POLE: variants seen among roughly 807,000 people sequenced by gnomAD.
The protein encoded by POLE is DNA polymerase epsilon catalytic subunit A.
Under a neutral mutation model 279.2 loss-of-function variants are expected in POLE, and 188 were observed. That is an observed-to-expected ratio of 0.67 (90% confidence interval 0.60 to 0.76). The LOEUF (loss-of-function observed/expected upper bound fraction) is 0.76, where lower values mean the gene tolerates loss of function less well. Among genes scored for constraint, POLE ranks in the 30% least tolerant of loss-of-function variants. The pLI, the probability that POLE is intolerant of heterozygous loss-of-function variation, is 0.00. For synonymous variants in POLE, 1,214 were observed against 1,172.5 expected (o/e 1.04, Z -0.72); for missense variants, 2,703 against 3,016.7 (o/e 0.90, Z 2.44).
At chr12:132,644,058 G>C in intron 32 of POLE, 81 bp from the exon 33 acceptor site, 1 of 1,428,438 alleles carries the variant, frequency 7.0e-7, no homozygotes, top group Non-Finnish European at 9.3e-7. Flanking sequence ...CACGCTATTC[G>C]GAGTCCTAGA....
In POLE at chr12:132,672,268, C is replaced by A. The variant is rs755090755; in HGVS notation, c.1741G>T (p.Ala581Ser). ...LQRVEKTLRH[A>S]LEEEEKVPVE... Reference sequence around the variant, plus strand: ...GGCACTTTCTCCTCTTCCTCAAGGGCGTGGCGCAAGGTCTTCTCAACCCGC... The same window carrying A: ...GGCACTTTCTCCTCTTCCTCAAGGGAGTGGCGCAAGGTCTTCTCAACCCGC... Residue 581 changes from alanine to serine, a missense_variant, in exon 16 of 49, where the codon GCC (alanine) becomes TCC (serine). Ala to Ser is a moderately conservative substitution (Grantham distance 99). This residue lies in a region of POLE where 1,011 missense variants were observed against 1,111.7 expected (regional missense o/e 0.91). Coordinates refer to ENST00000320574, the MANE Select transcript of POLE (RefSeq NM_006231.4). The A allele has an allele frequency of 8.7e-6, 14 of 1,614,076 alleles. No individual in the cohort carries two copies. Among genetic ancestry groups the A allele is most frequent in the Non-Finnish European group, 1.2e-5 (14 of 1,180,030 alleles).
In POLE at chr12:132,687,181, G is replaced by A. The variant is rs1181599407; in HGVS notation, c.62+73C>T. 4.7e-5 allele frequency: 46 copies of A among 976,514 alleles called. No individual in the cohort carries two copies. The Admixed American group carries it at 1.1e-3, about 23-fold the overall frequency. 60.5% of individuals were successfully genotyped at this position (976,514 alleles called of 1,614,324 possible). A position where few individuals can be genotyped will look rare whatever the true frequency, so the allele number is the denominator to read the frequency against. ...AACCGGGCCTCCCTCCCGCCTCGGC[G>A]GCGCCAGCCGAGGACGGCCCCATGG... On this transcript the variant is annotated intron_variant, in intron 1 of 48. Transcript: ENST00000320574.
Position 132,634,226 on chromosome 12 carries a change from CT to C in POLE, c.5963del (p.Gln1988ArgfsTer11). On this transcript the variant is annotated frameshift_variant, in exon 43 of 49. Coordinates refer to ENST00000320574, the MANE Select transcript of POLE (RefSeq NM_006231.4). LOFTEE classifies it high-confidence loss of function. This position sits in a 1 kb window ranked among gnomAD's most constrained non-coding sequence, Gnocchi z 4.0. ...NNWNILQFLP[Q>X]AASCQNYFLM... is the part of the protein sequence containing the mutation. ...GGAAGTAGTTCTGGCAGGAGGCTGCCTGTGGCAAAAACTGCAAAATGTTCCA... is the reference window on the plus strand; with the variant it reads ...GGAAGTAGTTCTGGCAGGAGGCTGCCGTGGCAAAAACTGCAAAATGTTCCA... 6.2e-7 allele frequency: 1 copy of C among 1,613,906 alleles called. No homozygotes were observed. Among genetic ancestry groups the C allele is most frequent in the Non-Finnish European group, 8.5e-7 (1 of 1,179,776 alleles).
intron 39 of POLE, chr12:132,641,295 C>A: frequency 2.6e-6 from 1 of 387,652 alleles, no homozygotes; most frequent in Non-Finnish European, 5.0e-6. Flanking sequence ...CGGCTCCTGA[C>A]ACCTAAGTGC....
chr12:132,658,314 G>T (rs1276322534), intron 26 of POLE: 2 of 242,316 alleles, frequency 8.3e-6, no homozygotes, highest in Non-Finnish European at 1.6e-5. Flanking sequence ...ACACGTGCAT[G>T]TTCGTAACTA....
At chr12:132,657,297 C>G (rs773359737) in intron 28 of POLE, 39 bp from the exon 29 acceptor site, 2 of 1,614,066 alleles carry the variant, frequency 1.2e-6, no homozygotes, top group Admixed American at 1.7e-5. Context: ...AGACCCTTGT[C>G]TAACTGCACA....
rs778230854 is a variant in POLE, at chr12:132,642,537, T to C, written c.4921A>G (p.Thr1641Ala). The C allele has an allele frequency of 6.2e-7, 1 of 1,613,298 alleles. No homozygotes were observed. The highest frequency in any genetic ancestry group is 1.7e-5 in the Admixed American group (1 of 60,000). ...ATCTCGAAGGCCTGCGACAGGCAGG[T>C]GTCCAGGTTGAGGTAGTGACGGATC... ...RMIRHYLNLD[T>A]CLSQAFEMSR... Residue 1641 changes from threonine to alanine, a missense_variant, in exon 37 of 49, where the codon ACC (threonine) becomes GCC (alanine). This residue lies in a region of POLE where 1,551 missense variants were observed against 1,686.1 expected (regional missense o/e 0.92). Transcript: ENST00000320574.
intron 6 of POLE, 42 bp downstream of exon 6, chr12:132,679,455 G>C (rs199685207): frequency 2.5e-6 from 4 of 1,574,670 alleles, no homozygotes; most frequent in Non-Finnish European, 3.5e-6. Context: ...CCATCTTGTC[G>C]TTCTGAACCG....
chr12:132,672,785 A>G lies in POLE; in HGVS notation c.1528T>C (p.Phe510Leu). The change falls in exon 15 of 49, where the codon TTC becomes CTC. Residue 510 changes from phenylalanine (F) to leucine (L), a missense_variant. This residue lies in a region of POLE where 1,011 missense variants were observed against 1,111.7 expected (regional missense o/e 0.91). Transcript: ENST00000320574. ...TTGGGGAAGATGATGTTGGCGTGGA[A>G]GGCCTGCACCATCAGCAAGGCCTCA... ...LCEALLMVQA[F>L]HANIIFPNKQ... The G allele has an allele frequency of 6.2e-7, 1 of 1,614,208 alleles. No individual in the cohort carries two copies. Among genetic ancestry groups the G allele is most frequent in the Non-Finnish European group, 8.5e-7 (1 of 1,180,034 alleles).
In POLE at chr12:132,677,409, G is replaced by A. The variant is rs5744751; in HGVS notation, c.755C>T (p.Ala252Val). The A allele has an allele frequency of 0.099, 159,920 of 1,613,392 alleles. 8,666 individuals carry two copies. Among genetic ancestry groups the A allele is most frequent in the Non-Finnish European group, 0.11 (129,273 of 1,179,412 alleles). The change falls in exon 8 of 49, where the codon GCT (alanine) becomes GTT (valine). Residue 252 changes from alanine (A) to valine (V), a missense_variant. Transcript: ENST00000320574. ...TCGGCGGGTGATTTCTACCGGAAAA[G>A]CATTTCCTCGGTATCTGACATTGTA... ...HWYNVRYRGN[A>V]FPVEITRRDD...
intron 23 of POLE, among the ~76,000 whole-genome samples, chr12:132,663,490 G>A (rs1376551530): frequency 6.6e-6 from 1 of 152,272 alleles, no homozygotes; most frequent in Non-Finnish European, 1.5e-5. Flanking sequence ...ACCATCGCCT[G>A]GCCGGCACCA....
chr12:132,647,820 T>C (rs2042321166), intron 32 of POLE, among the ~76,000 whole-genome samples: 1 of 152,146 alleles, frequency 6.6e-6, no homozygotes, highest in South Asian at 2.1e-4. Flanking sequence ...TCTCGATGCC[T>C]CTGCGTCCGC....
chr12:132,625,530 C>A, intron 47 of POLE, 115 bp downstream of exon 47: 1 of 1,354,506 alleles, frequency 7.4e-7, no homozygotes, highest in Non-Finnish European at 1.0e-6. Flanking sequence ...AGGGCAGGCC[C>A]CTTGGAAGAC....
intron 29 of POLE, among the ~76,000 whole-genome samples, chr12:132,651,632 G>A (rs1180346108): frequency 6.6e-6 from 1 of 152,232 alleles, no homozygotes; most frequent in Non-Finnish European, 1.5e-5. Context: ...CCCTGAGTGG[G>A]GGTGGGACCC....
intron 45 of POLE, among the ~76,000 whole-genome samples, chr12:132,628,587 G>A (rs140497516): frequency 4.8e-4 from 73 of 152,270 alleles, no homozygotes; most frequent in Middle Eastern, 3.4e-3. Context: ...AGGTTGCAGC[G>A]AGCCAAGACC....
chr12:132,631,237 G>A (rs193150335), intron 45 of POLE, among the ~76,000 whole-genome samples: 1 of 152,076 alleles, frequency 6.6e-6, no homozygotes, highest in Admixed American at 6.5e-5. Flanking sequence ...CGCTCTAGAA[G>A]AGAAAAAAAA....
At chr12:132,665,881 G>A (rs917556835) in intron 20 of POLE, among the ~76,000 whole-genome samples, 4 of 152,222 alleles carry the variant, frequency 2.6e-5, no homozygotes, top group African/African-American at 9.7e-5. Flanking sequence ...ATTACTGAGT[G>A]CCTAGTATGT....
intron 29 of POLE, among the ~76,000 whole-genome samples, chr12:132,655,593 T>C (rs866202867): frequency 7.9e-5 from 12 of 152,208 alleles, no homozygotes; most frequent in African/African-American, 2.4e-4. Flanking sequence ...CCCAAACTGA[T>C]TGGAGGTAAA....
chr12:132,635,180 C>G (rs1410710826), intron 42 of POLE, among the ~76,000 whole-genome samples: 1 of 152,150 alleles, frequency 6.6e-6, no homozygotes, highest in Non-Finnish European at 1.5e-5. Context: ...CTCAACCTTG[C>G]AAACACCATG....
Sources: allele counts gnomAD v4.1 joint callset (sites outside exome capture counted in the v4.1 genomes callset), GRCh38; gene constraint gnomAD v4.1.1; regional missense constraint gnomAD v4.1.1; non-coding constraint Gnocchi (gnomAD v3.1); transcripts MANE v1.5; gene names NCBI Gene and HGNC (gene_info 2026-07-23, HGNC 2026-07-21).